Variants in DOK6 observed in about 807,000 individuals in gnomAD.
DOK6 encodes downstream of tyrosine kinase 6.
A neutral mutation model predicts 44.0 loss-of-function variants in DOK6; 22 were observed. The ratio of observed to expected loss-of-function variants is 0.50; its 90% confidence interval spans 0.36 to 0.71. DOK6 has a LOEUF of 0.71. Ranked by LOEUF, DOK6 falls within the 30% of genes least tolerant of loss-of-function variation. The pLI is 0.00. For missense variants in DOK6, 340 were observed against 416.4 expected, an observed-to-expected ratio of 0.82 and a Z score of 1.60; for synonymous variants, 166 against 145.5, an observed-to-expected ratio of 1.14 and a Z score of -1.01.
At chr18:69,738,010 T>C (rs1210082730) in intron 5 of DOK6, among the ~76,000 whole-genome samples, 1 of 152,204 alleles carries the variant, frequency 6.6e-6, no homozygotes, top group Non-Finnish European at 1.5e-5. Context: ...TCTTCATTTT[T>C]CCCCCAGACT....
intron 1 of DOK6, among the ~76,000 whole-genome samples, chr18:69,464,959 T>G (rs1054272867): frequency 6.6e-6 from 1 of 152,210 alleles, no homozygotes; most frequent in East Asian, 1.9e-4. Flanking sequence ...TTAAAATTAT[T>G]TATCTCTCCT....
At chr18:69,575,355 T>C (rs1036959422) in intron 2 of DOK6, among the ~76,000 whole-genome samples, 1 of 152,076 alleles carries the variant, frequency 6.6e-6, no homozygotes, top group Non-Finnish European at 1.5e-5. Flanking sequence ...CAGCAGATTG[T>C]AGTGAAATTG....
intron 1 of DOK6, among the ~76,000 whole-genome samples, chr18:69,541,093 A>G (rs974978799): frequency 2.0e-5 from 3 of 152,186 alleles, no homozygotes; most frequent in African/African-American, 4.8e-5. Flanking sequence ...CCTACTTACT[A>G]GTATGTTTAA....
At chr18:69,774,459 A>G (rs1336883993) in intron 7 of DOK6, among the ~76,000 whole-genome samples, 2 of 151,854 alleles carry the variant, frequency 1.3e-5, no homozygotes, top group East Asian at 3.9e-4. Flanking sequence ...CCACTAAAAA[A>G]CTTACTCATG....
intron 6 of DOK6, among the ~76,000 whole-genome samples, chr18:69,751,494 A>G (rs982238243): frequency 6.6e-6 from 1 of 152,190 alleles, no homozygotes; most frequent in Admixed American, 6.5e-5. Flanking sequence ...AATTGAACAA[A>G]TATATATAGA....
chr18:69,690,018 T>C (rs1456787357), intron 4 of DOK6, among the ~76,000 whole-genome samples: 1 of 152,138 alleles, frequency 6.6e-6, no homozygotes, highest in Non-Finnish European at 1.5e-5. Context: ...TGATACAGTA[T>C]AACAGAAATC....
intron 2 of DOK6, among the ~76,000 whole-genome samples, chr18:69,592,780 T>C (rs997291189): frequency 1.3e-5 from 2 of 152,196 alleles, no homozygotes; most frequent in African/African-American, 4.8e-5. Context: ...AAGTACATAT[T>C]ATTTTTAATG....
intron 1 of DOK6, among the ~76,000 whole-genome samples, chr18:69,553,153 G>T (rs112651985): frequency 2.0e-3 from 311 of 152,316 alleles, no homozygotes; most frequent in African/African-American, 7.0e-3. Context: ...CTATGTTGCT[G>T]CAGGTGGGAA....
At chr18:69,710,007 T>C (rs1986721741) in intron 5 of DOK6, among the ~76,000 whole-genome samples, 2 of 152,098 alleles carry the variant, frequency 1.3e-5, no homozygotes, top group South Asian at 4.1e-4. Flanking sequence ...GTGAGACTGC[T>C]TCTCTACTAA....
intron 2 of DOK6, among the ~76,000 whole-genome samples, chr18:69,591,371 A>G (rs1438275948): frequency 6.6e-6 from 1 of 152,164 alleles, no homozygotes; most frequent in Non-Finnish European, 1.5e-5. Flanking sequence ...ATTTTAATGA[A>G]TGAATGACTG....
At position 69,846,011 on chromosome 18, in the gene DOK6, G is replaced by T. The variant is rs1982337726; in HGVS notation, c.*4628G>T. ...CTGTGAGACAAGCTCACACTCTCAT[G>T]TGTGCATTCTCTATTAACATATTTG... On this transcript the variant is annotated 3_prime_UTR_variant, in exon 8 of 8. Coordinates refer to ENST00000382713, the MANE Select transcript of DOK6 (RefSeq NM_152721.6). The T allele has an allele frequency of 6.6e-6, 1 of 152,192 alleles. No individual in the cohort carries two copies. The allele number at this position is 152,192 out of a possible 1,614,324, so 9.4% of individuals were successfully genotyped here.
intron 7 of DOK6, among the ~76,000 whole-genome samples, chr18:69,813,738 A>T (rs915730875): frequency 2.0e-5 from 3 of 152,112 alleles, no homozygotes; most frequent in Non-Finnish European, 4.4e-5. Context: ...CATCTAGAGC[A>T]TGGTACACAG....
intron 7 of DOK6, among the ~76,000 whole-genome samples, chr18:69,786,715 T>C (rs1172493162): frequency 6.6e-6 from 1 of 152,232 alleles, no homozygotes; most frequent in Non-Finnish European, 1.5e-5. Context: ...AGGAACATTT[T>C]GCACTGTGAT....
At chr18:69,571,115 A>T (rs892579216) in intron 2 of DOK6, among the ~76,000 whole-genome samples, 1 of 152,020 alleles carries the variant, frequency 6.6e-6, no homozygotes, top group Admixed American at 6.6e-5. Flanking sequence ...AGTAAAACGG[A>T]CTCATACCAT....
At chr18:69,614,856 G>C (rs1207726622) in intron 3 of DOK6, among the ~76,000 whole-genome samples, 5 of 151,494 alleles carry the variant, frequency 3.3e-5, no homozygotes, top group African/African-American at 1.2e-4. Context: ...ATTTTTACTT[G>C]ATTTTTTAAG....
intron 1 of DOK6, among the ~76,000 whole-genome samples, chr18:69,423,887 G>A (rs1442894144): frequency 1.3e-5 from 2 of 152,112 alleles, no homozygotes; most frequent in Non-Finnish European, 2.9e-5. Context: ...TATTTCAGAA[G>A]AAAACTCATG....
At chr18:69,666,139 T>C (rs985666768) in intron 3 of DOK6, among the ~76,000 whole-genome samples, 1 of 152,224 alleles carries the variant, frequency 6.6e-6, no homozygotes, top group Non-Finnish European at 1.5e-5. Flanking sequence ...TGATCCTGTG[T>C]GCAAACTGAG....
At chr18:69,435,828 C>G (rs374101465) in intron 1 of DOK6, among the ~76,000 whole-genome samples, 1 of 152,102 alleles carries the variant, frequency 6.6e-6, no homozygotes, top group African/African-American at 2.4e-5. Context: ...CTCCCTCTTT[C>G]GTTTTTATCC....
intron 6 of DOK6, among the ~76,000 whole-genome samples, chr18:69,751,987 A>C (rs1979196208): frequency 6.6e-6 from 1 of 152,212 alleles, no homozygotes; most frequent in Admixed American, 6.5e-5. Flanking sequence ...ATTCAGAAGC[A>C]AATGCTTTTA....
Sources: gnomAD v4.1 joint callset for allele counts (sites outside exome capture counted in the v4.1 genomes callset) on GRCh38, gnomAD v4.1.1 for gene constraint, MANE v1.5 for transcripts, NCBI Gene and HGNC (gene_info 2026-07-23, HGNC 2026-07-21) for gene names.